DOCK4: variants seen among roughly 807,000 people sequenced by gnomAD.
The protein encoded by DOCK4 is dedicator of cytokinesis 4, also known as dedicator of cytokinesis protein 4.
DOCK4 carries 97 observed loss-of-function variants against 268.1 expected under a neutral mutation model. That is an observed-to-expected ratio of 0.36 (90% CI 0.31 to 0.43). The LOEUF (loss-of-function observed/expected upper bound fraction) is 0.43, where lower values mean the gene tolerates loss of function less well. Ranked by LOEUF, DOCK4 falls within the 20% of genes least tolerant of loss-of-function variation. The probability of loss-of-function intolerance (pLI) is 1.00; values close to 1 mark genes in which losing one functional copy is unlikely to be tolerated. For synonymous variants in DOCK4, 954 were observed against 887.2 expected (o/e 1.08, Z -1.34); for missense variants, 2,145 against 2,455.7 (o/e 0.87, Z 2.67).
chr7:112,062,982 C>T (rs1179478583), intron 1 of DOCK4, among the ~76,000 whole-genome samples: 3 of 152,130 alleles, frequency 2.0e-5, no homozygotes, highest in African/African-American at 7.2e-5. Flanking sequence ...CGGTCACTTT[C>T]ATTACTTTTA....
intron 1 of DOCK4, among the ~76,000 whole-genome samples, chr7:112,189,746 G>GTT (rs57399750): frequency 0.22 from 20,664 of 95,366 alleles, 3,030 homozygotes; most frequent in South Asian, 0.29. Flanking sequence ...TCTGGGTTTT[G>GTT]TTTTTTTTTT....
At chr7:111,926,222 A>G (rs531466578) in intron 12 of DOCK4, among the ~76,000 whole-genome samples, 1 of 148,634 alleles carries the variant, frequency 6.7e-6, no homozygotes, top group East Asian at 2.0e-4. Context: ...GATCGAGACT[A>G]TCCTGGCCAA....
chr7:111,890,810 C>T (rs184291117), intron 16 of DOCK4, among the ~76,000 whole-genome samples: 50 of 152,334 alleles, frequency 3.3e-4, no homozygotes, highest in Non-Finnish European at 6.6e-4. Context: ...TTCTTCTTAG[C>T]TCACTGCAGG....
At chr7:112,160,923 GCCC>G (rs1049241915) in intron 1 of DOCK4, among the ~76,000 whole-genome samples, 2 of 152,100 alleles carry the variant, frequency 1.3e-5, no homozygotes, top group African/African-American at 2.4e-5. Flanking sequence ...AGGACTCGAG[GCCC>G]CCCATCAAGA....
intron 1 of DOCK4, among the ~76,000 whole-genome samples, chr7:112,169,512 C>T (rs1325403473): frequency 6.6e-6 from 1 of 152,128 alleles, no homozygotes; most frequent in African/African-American, 2.4e-5. Context: ...TTAAAGGAAG[C>T]ATTTTCTATG....
chr7:111,854,081 C>A (rs1804808800), intron 23 of DOCK4, among the ~76,000 whole-genome samples: 1 of 152,038 alleles, frequency 6.6e-6, no homozygotes, highest in East Asian at 1.9e-4. Context: ...CAGGTGCAGT[C>A]CACTGCACCT....
intron 22 of DOCK4, among the ~76,000 whole-genome samples, chr7:111,865,415 G>A (rs917929993): frequency 6.6e-6 from 1 of 152,222 alleles, no homozygotes; most frequent in Non-Finnish European, 1.5e-5. Context: ...CTAGAAGACA[G>A]GGTTTGCCCT....
intron 1 of DOCK4, among the ~76,000 whole-genome samples, chr7:112,114,709 T>G (rs1811966945): frequency 6.6e-6 from 1 of 151,352 alleles, no homozygotes. Flanking sequence ...TATTGCTTCA[T>G]CAAGGACATT....
intron 30 of DOCK4, chr7:111,801,763 C>T (rs1800307647): frequency 6.8e-6 from 1 of 147,654 alleles, no homozygotes. Flanking sequence ...GATCTCAGCT[C>T]ACTGCAAGCT....
At chr7:111,991,961 CAAAAAAAAAAAAAA>C (rs60667093) in intron 5 of DOCK4, among the ~76,000 whole-genome samples, 21 of 50,916 alleles carry the variant, frequency 4.1e-4, no homozygotes, top group Middle Eastern at 0.016. Context: ...ACTCTGTCTC[CAAAAAAAAAAAAAA>C]AAAAAAAAAA....
At chr7:112,057,775 T>C (rs991505827) in intron 1 of DOCK4, among the ~76,000 whole-genome samples, 26 of 151,722 alleles carry the variant, frequency 1.7e-4, no homozygotes, top group African/African-American at 6.3e-4. Context: ...ACCCTGTCTT[T>C]ATAAAATAAA....
chr7:112,008,156 A>G (rs979944198), intron 1 of DOCK4, among the ~76,000 whole-genome samples: 9 of 152,172 alleles, frequency 5.9e-5, no homozygotes, highest in African/African-American at 2.2e-4. Flanking sequence ...GAATATAAAT[A>G]TTCGGTTCTA....
chr7:112,076,656 G>T (rs763520528), intron 1 of DOCK4, among the ~76,000 whole-genome samples: 2 of 151,936 alleles, frequency 1.3e-5, no homozygotes, highest in African/African-American at 2.4e-5. Flanking sequence ...TTTCTTTATG[G>T]TTACAAATGA....
intron 1 of DOCK4, among the ~76,000 whole-genome samples, chr7:112,141,611 T>C (rs1332094671): frequency 2.0e-5 from 3 of 152,314 alleles, no homozygotes; most frequent in Middle Eastern, 3.4e-3. Context: ...GATACATACA[T>C]AAAATCTCCT....
At chr7:112,101,802 T>C (rs1810705142) in intron 1 of DOCK4, among the ~76,000 whole-genome samples, 1 of 151,986 alleles carries the variant, frequency 6.6e-6, no homozygotes, top group African/African-American at 2.4e-5. Context: ...CCTCCACCCA[T>C]CATTTAAATG....
chr7:111,996,863 G>T (rs572573960), intron 4 of DOCK4, among the ~76,000 whole-genome samples: 1 of 152,202 alleles, frequency 6.6e-6, no homozygotes, highest in Non-Finnish European at 1.5e-5. Flanking sequence ...TTGAGGGATA[G>T]ACTTTGATTA....
intron 27 of DOCK4, among the ~76,000 whole-genome samples, chr7:111,815,026 T>G (rs182444433): frequency 6.6e-6 from 1 of 152,248 alleles, no homozygotes; most frequent in Non-Finnish European, 1.5e-5. Context: ...ACAGTTCCTA[T>G]AGTATACATA....
At chr7:111,789,460 A>C (rs1196298656) in intron 31 of DOCK4, among the ~76,000 whole-genome samples, 1 of 152,252 alleles carries the variant, frequency 6.6e-6, no homozygotes, top group Admixed American at 6.5e-5. Context: ...GAGAGAGTTA[A>C]AACGATTAGG....
chr7:111,984,567 G>C (rs1336856556), intron 6 of DOCK4, among the ~76,000 whole-genome samples, 177 bp from the exon 7 acceptor site: 1 of 152,158 alleles, frequency 6.6e-6, no homozygotes, highest in African/African-American at 2.4e-5. Context: ...TGGACACTGG[G>C]CAAAACTTAA....
Sources: gnomAD v4.1 joint callset for allele counts (sites outside exome capture counted in the v4.1 genomes callset) on GRCh38, gnomAD v4.1.1 for gene constraint, MANE v1.5 for transcripts, NCBI Gene and HGNC (gene_info 2026-07-23, HGNC 2026-07-21) for gene names.